The following ADCY7 variants were observed in gnomAD, a reference collection of about 807,000 sequenced individuals.
ADCY7 encodes adenylate cyclase 7.
A neutral mutation model predicts 120.6 loss-of-function variants in ADCY7; 72 were observed. That is an observed-to-expected ratio of 0.60 (90% CI 0.49 to 0.73). The LOEUF (loss-of-function observed/expected upper bound fraction) is 0.73, where lower values mean the gene tolerates loss of function less well. ADCY7 is among the 30% of genes least tolerant of loss of function. The probability of loss-of-function intolerance (pLI) is 0.00; values close to 1 mark genes in which losing one functional copy is unlikely to be tolerated. For missense variants in ADCY7, 1,227 were observed against 1,486.0 expected (o/e 0.83, Z 2.87); for synonymous variants, 661 against 628.0 (o/e 1.05, Z -0.78).
Position 50,305,947 on chromosome 16 carries a change from A to G in ADCY7, c.1752+98A>G, listed in dbSNP as rs2036036723. 5 of 1,218,434 alleles carry G rather than the reference A, an allele frequency of 4.1e-6. No individual in the cohort carries two copies. The South Asian group carries it at 6.1e-5, about 15-fold the overall frequency. 75.5% of individuals were successfully genotyped at this position (1,218,434 alleles called of 1,614,324 possible). On this transcript the variant is annotated intron_variant, in intron 14 of 25. Transcript: ENST00000673801. Reference sequence around the variant, plus strand: ...TCATGGGGCAGCCTGCGTTCCCAAGACCGGCTAGGGGAGGGGCACTGAGAA... The same window carrying G: ...TCATGGGGCAGCCTGCGTTCCCAAGGCCGGCTAGGGGAGGGGCACTGAGAA...
intron 15 of ADCY7, among the ~76,000 whole-genome samples, chr16:50,308,053 T>A (rs2036195911): frequency 6.6e-6 from 1 of 151,922 alleles, no homozygotes; most frequent in African/African-American, 2.4e-5. Flanking sequence ...TTTTTACAGT[T>A]TTTTCTGAGT....
chr16:50,309,800 G>A (rs2036332304), intron 18 of ADCY7, among the ~76,000 whole-genome samples, 154 bp downstream of exon 18: 2 of 152,226 alleles, frequency 1.3e-5, no homozygotes, highest in South Asian at 4.1e-4. Context: ...GGGAAAGCAG[G>A]GTCCCATGGG....
chr16:50,303,644 G>A (rs2035876972), intron 10 of ADCY7, among the ~76,000 whole-genome samples: 1 of 152,158 alleles, frequency 6.6e-6, no homozygotes, highest in African/African-American at 2.4e-5. Context: ...GAGTGGGGGC[G>A]GGTAGGGCTG....
Position 50,304,918 on chromosome 16 carries a change from C to T in ADCY7, c.1561-7C>T. ...ATGACTGTATCCTTTCCTCCCTTCC[C>T]TTTCAGAGCGTTCCCCAGCGCCACC... On this transcript the variant is annotated splice_region_variant and splice_polypyrimidine_tract_variant and intron_variant, in intron 11 of 25. Transcript: ENST00000673801. 1 of 1,613,714 alleles carries T rather than the reference C, an allele frequency of 6.2e-7. No homozygotes were observed. Among genetic ancestry groups the T allele is most frequent in the South Asian group, 1.1e-5 (1 of 91,090 alleles).
intron 2 of ADCY7, among the ~76,000 whole-genome samples, chr16:50,290,251 G>A (rs1209013682): frequency 2.0e-5 from 3 of 152,210 alleles, no homozygotes; most frequent in East Asian, 3.9e-4. Context: ...TCTGGTTCCC[G>A]AGATGATGGG....
intron 14 of ADCY7, among the ~76,000 whole-genome samples, chr16:50,306,785 A>G (rs563033562): frequency 3.3e-5 from 5 of 152,330 alleles, no homozygotes; most frequent in East Asian, 1.9e-4. Context: ...GAAACTTACC[A>G]AGTGTAACAT....
At chr16:50,256,712 G>T (rs1438734032) in intron 1 of ADCY7, among the ~76,000 whole-genome samples, 1 of 152,094 alleles carries the variant, frequency 6.6e-6, no homozygotes, top group Non-Finnish European at 1.5e-5. Context: ...AAAGAGACAG[G>T]TGTTGGAGAT....
At chr16:50,299,278 G>A (rs1382769201) in intron 8 of ADCY7, among the ~76,000 whole-genome samples, 1 of 151,628 alleles carries the variant, frequency 6.6e-6, no homozygotes, top group South Asian at 2.1e-4. Flanking sequence ...AGAGCTGGGT[G>A]ATGTGAGGTC....
At chr16:50,268,802 C>T (rs151161765) in intron 1 of ADCY7, among the ~76,000 whole-genome samples, 228 of 152,248 alleles carry the variant, frequency 1.5e-3, no homozygotes, top group Non-Finnish European at 2.6e-3. Flanking sequence ...TTTGGGAGGC[C>T]AAGGTGGGCG....
chr16:50,276,807 T>G (rs941293384), intron 1 of ADCY7, among the ~76,000 whole-genome samples: 9 of 152,142 alleles, frequency 5.9e-5, no homozygotes, highest in Non-Finnish European at 1.3e-4. Flanking sequence ...TTGCCCAGGC[T>G]GATCTTGAAC....
At chr16:50,245,237 A>G (rs571857103), upstream of ADCY7, among the ~76,000 whole-genome samples, 2 of 152,232 alleles carry the variant, frequency 1.3e-5, no homozygotes, top group South Asian at 4.2e-4. Flanking sequence ...GGCCCTTTCT[A>G]TGAAGACCTG....
At chr16:50,251,611 T>G (rs2032758136) in intron 1 of ADCY7, among the ~76,000 whole-genome samples, 1 of 152,228 alleles carries the variant, frequency 6.6e-6, no homozygotes, top group South Asian at 2.1e-4. Flanking sequence ...AAAGCCTAGA[T>G]TTCTAGTTTC....
rs1250833084 is a variant in ADCY7 at position 50,317,919 on chromosome 16, G to C, written c.*2414G>C. ...TAACAAACAAACAAACAAACAAACA[G>C]AAGAGAAGATCATTAACCACTGTAT... On this transcript the variant is annotated 3_prime_UTR_variant, in exon 26 of 26. Coordinates refer to ENST00000673801, the MANE Select transcript of ADCY7 (RefSeq NM_001114.5). 2.1e-5 allele frequency: 3 copies of C among 143,822 alleles called. No homozygotes were observed. Among genetic ancestry groups the C allele is most frequent in the South Asian group, 2.2e-4 (1 of 4,588 alleles). 8.9% of individuals were successfully genotyped at this position (143,822 alleles called of 1,614,324 possible). A position where few individuals can be genotyped will look rare whatever the true frequency, so the allele number is the denominator to read the frequency against.
chr16:50,291,939 TGG>T (rs2035005284), intron 4 of ADCY7, 42 bp downstream of exon 4: 1 of 1,564,368 alleles, frequency 6.4e-7, no homozygotes, highest in African/African-American at 1.4e-5. Flanking sequence ...TTTTGTGGTC[TGG>T]GTCTAAGGGC....
At position 50,255,402 on chromosome 16, in the gene ADCY7, G is replaced by GAAAAAA. The variant is rs60335173; in HGVS notation, c.-64+9213_-64+9218dup. 4.2e-4 allele frequency among the ~76,000 whole-genome samples: 45 copies of GAAAAAA among 108,072 alleles called. 3 individuals are homozygous for GAAAAAA. The highest frequency in any genetic ancestry group is 6.4e-4 in the Non-Finnish European group (37 of 57,838). The allele number at this position is 108,072 out of a possible 152,430, so 70.9% of individuals were successfully genotyped here. A position where few individuals can be genotyped will look rare whatever the true frequency, so the allele number is the denominator to read the frequency against. ...CCTGGCCCATAAGACTCTGTTTCTGGAAAAAAAAAAAAAAAAAAAGACGTA... is the reference window on the plus strand; with the variant it reads ...CCTGGCCCATAAGACTCTGTTTCTGGAAAAAAAAAAAAAAAAAAAAAAAAAGACGTA... On this transcript the variant is annotated intron_variant, in intron 1 of 4. Transcript: ENST00000564044.
At position 50,310,811 on chromosome 16, in the gene ADCY7, C is replaced by T. The variant is rs201824999; in HGVS notation, c.2285C>T (p.Ser762Phe). Residue 762 changes from serine (S) to phenylalanine (F), a missense_variant, in exon 19 of 26, where the codon TCC (serine) becomes TTC (phenylalanine). Transcript: ENST00000673801. ...LVAYLVLFNL[S>F]PCWQWDCCGQ... ...GCCTACCTGGTGCTCTTCAACCTCTCCCCATGCTGGCAGTGGGACTGCTGC... is the reference window on the plus strand; with the variant it reads ...GCCTACCTGGTGCTCTTCAACCTCTTCCCATGCTGGCAGTGGGACTGCTGC... The T allele has an allele frequency of 4.3e-6, 7 of 1,614,028 alleles. No homozygotes were observed. In the East Asian group the frequency reaches 6.7e-5, roughly 15 times the overall value.
Position 50,315,125 on chromosome 16 carries a change from T to C in ADCY7, c.3083T>C (p.Leu1028Pro), listed in dbSNP as rs374466879. 3.0e-5 allele frequency: 48 copies of C among 1,614,096 alleles called. No homozygotes were observed. Among genetic ancestry groups the C allele is most frequent in the South Asian group, 4.4e-5 (4 of 91,074 alleles). Reference protein sequence around the residue: ...VASRMESTGELGKIQVTEETC... With the variant: ...VASRMESTGEPGKIQVTEETC... ...AGCCGAATGGAAAGCACTGGAGAAC[T>C]TGGGAAAATCCAGGTAAAGACCTAT... Residue 1028 changes from leucine to proline, a missense_variant, in exon 25 of 26, where the codon CTT becomes CCT. Transcript: ENST00000673801.
At chr16:50,314,945 G>A in intron 24 of ADCY7, 69 bp from the exon 25 acceptor site, 1 of 1,587,404 alleles carries the variant, frequency 6.3e-7, no homozygotes, top group Non-Finnish European at 8.6e-7. Context: ...TGGATTCTCT[G>A]GCCTCCTCTA....
intron 5 of ADCY7, 123 bp downstream of exon 5, chr16:50,292,948 C>A: frequency 1.6e-6 from 2 of 1,273,106 alleles, no homozygotes; most frequent in Non-Finnish European, 2.2e-6. Flanking sequence ...GCAGGTCTCA[C>A]CTCGGTGAGT....
Sources: allele counts gnomAD v4.1 joint callset (sites outside exome capture counted in the v4.1 genomes callset), GRCh38; gene constraint gnomAD v4.1.1; transcripts MANE v1.5; gene names NCBI Gene and HGNC (gene_info 2026-07-23, HGNC 2026-07-21).